DBN1: variants seen among roughly 807,000 people sequenced by gnomAD.
The protein encoded by DBN1 is drebrin.
Under a neutral mutation model 83.5 loss-of-function variants are expected in DBN1, and 21 were observed. The ratio of observed to expected loss-of-function variants is 0.25; its 90% CI spans 0.18 to 0.36. DBN1 has a LOEUF of 0.36. Among genes scored for constraint, DBN1 ranks in the 10% least tolerant of loss-of-function variants. DBN1 has a pLI of 1.00. For missense variants in DBN1, 874 were observed against 935.7 expected (o/e 0.93, Z 0.86); for synonymous variants, 381 against 384.9 (o/e 0.99, Z 0.12).
intron 1 of DBN1, among the ~76,000 whole-genome samples, chr5:177,471,312 T>C (rs1434881218): frequency 6.6e-6 from 1 of 152,112 alleles, no homozygotes; most frequent in African/African-American, 2.4e-5. Flanking sequence ...GGAACTTGTG[T>C]ATGATCACAG....
chr5:177,457,922 G>T, intron 13 of DBN1, 136 bp downstream of exon 13: 1 of 1,298,220 alleles, frequency 7.7e-7, no homozygotes. Flanking sequence ...AGGGAGGGAG[G>T]GTGGGATGGA....
At position 177,467,981 on chromosome 5, in the gene DBN1, GC is replaced by G. The variant is rs1561687360; in HGVS notation, c.255+126del. The G allele has an allele frequency of 6.6e-5, 76 of 1,144,752 alleles. No individual in the cohort carries two copies. The highest frequency in any genetic ancestry group is 8.2e-5 in the Non-Finnish European group (64 of 776,472). The allele number at this position is 1,144,752 out of a possible 1,614,324, so 70.9% of individuals were successfully genotyped here. A position where few individuals can be genotyped will look rare whatever the true frequency, so the allele number is the denominator to read the frequency against. On this transcript the variant is annotated intron_variant, in intron 3 of 14. Transcript: ENST00000393565. The surrounding 1 kb of genome is among the most constrained non-coding windows in gnomAD (Gnocchi z 9.1). ...TCTGGGCCTTCAGTTCCCTTCCCCA[GC>G]CCCGGCCGCATACCCAGTTGATGAG...
intron 8 of DBN1, among the ~76,000 whole-genome samples, chr5:177,464,791 T>C (rs1344181245): frequency 1.3e-5 from 2 of 150,966 alleles, no homozygotes; most frequent in Non-Finnish European, 3.0e-5. Flanking sequence ...AATACAAAAA[T>C]TAGCCAGGCG....
rs549894337 is a variant in DBN1, at chr5:177,468,533, C to G, written c.142+311G>C. 28 of 466,844 alleles carry G rather than the reference C, an allele frequency of 6.0e-5. 1 individual carries two copies. In the South Asian group the frequency reaches 1.4e-3, roughly 24 times the overall value. The allele number at this position is 466,844 out of a possible 1,614,324, so 28.9% of individuals were successfully genotyped here. A position where few individuals can be genotyped will look rare whatever the true frequency, so the allele number is the denominator to read the frequency against. On this transcript the variant is annotated intron_variant, in intron 2 of 14. Transcript: ENST00000393565. Reference sequence around the variant, plus strand: ...AGGTGCCAGTGCCCAGAGGCACAATCAAGCCTTCTGGCTCTGGGGAAGGCG... The same window carrying G: ...AGGTGCCAGTGCCCAGAGGCACAATGAAGCCTTCTGGCTCTGGGGAAGGCG...
intron 1 of DBN1, among the ~76,000 whole-genome samples, chr5:177,469,571 A>G (rs902921237): frequency 6.6e-6 from 1 of 152,218 alleles, no homozygotes; most frequent in African/African-American, 2.4e-5. Context: ...CAGGCCTTCC[A>G]GCCCCTAGGC....
chr5:177,472,466 CT>C, intron 1 of DBN1: 8 of 1,263,546 alleles, frequency 6.3e-6, no homozygotes, highest in Non-Finnish European at 8.0e-6. Context: ...CCTCGGTTTC[CT>C]TTTTCCACCA....
intron 1 of DBN1, chr5:177,472,501 A>C (rs1757923816): frequency 1.0e-6 from 1 of 997,428 alleles, no homozygotes. Context: ...GCCCCAGAGC[A>C]GGTGGTCCAT....
intron 1 of DBN1, chr5:177,472,082 G>T: frequency 6.3e-7 from 1 of 1,587,832 alleles, no homozygotes; most frequent in Non-Finnish European, 8.6e-7. Flanking sequence ...TGGGCCGCCT[G>T]CCTGCTGAGC....
intron 2 of DBN1, 156 bp downstream of exon 2, chr5:177,468,688 A>G: frequency 2.1e-6 from 1 of 469,234 alleles, no homozygotes; most frequent in Middle Eastern, 3.6e-4. Context: ...CCCTGGGGAC[A>G]CAGGGATGAC....
chr5:177,462,193 C>T, intron 8 of DBN1: 1 of 983,638 alleles, frequency 1.0e-6, no homozygotes, highest in Non-Finnish European at 1.2e-6. Context: ...CTCTCCAACA[C>T]CACCCCCTGC....
At position 177,461,855 on chromosome 5, in the gene DBN1, T is replaced by C. The variant is rs571812575; in HGVS notation, c.772-1152A>G. The stretch of plus-strand genomic sequence containing the variant: ...AGCCACAGCAAGCACTGGCTAAATA[T>C]GACCCACAGATGGCTTTTGTTTTGC... On this transcript the variant is annotated intron_variant, in intron 8 of 14. Coordinates refer to ENST00000393565, the MANE Select transcript of DBN1 (RefSeq NM_001363541.2). Among the ~76,000 whole-genome samples, 3 of 152,318 alleles carry C rather than the reference T, an allele frequency of 2.0e-5. No homozygotes were observed. In the East Asian group the frequency reaches 5.8e-4, roughly 29 times the overall value.
chr5:177,468,448 T>C (rs896841582), intron 2 of DBN1: 2 of 578,608 alleles, frequency 3.5e-6, no homozygotes, highest in Non-Finnish European at 3.1e-6. Context: ...GGGGTAGGAC[T>C]GAGGAAGTGT....
At position 177,468,102 on chromosome 5, in the gene DBN1, G is replaced by A. The variant is rs201964190; in HGVS notation, c.255+6C>T. Reference sequence around the variant, plus strand: ...TCAGCCCCCTTCCCCAGCCCCGGCCGCATACCCAGTTGATGAGCACGTATT... The same window carrying A: ...TCAGCCCCCTTCCCCAGCCCCGGCCACATACCCAGTTGATGAGCACGTATT... On this transcript the variant is annotated splice_donor_region_variant and intron_variant, in intron 3 of 14. Transcript: ENST00000393565. The A allele has an allele frequency of 5.0e-5, 79 of 1,589,924 alleles. 1 individual carries two copies. The highest frequency in any genetic ancestry group is 1.8e-4 in the Middle Eastern group (1 of 5,426).
In DBN1 at chr5:177,466,657, C is replaced by G; in HGVS notation, c.771+115G>C. ...CATGGCACCCTGTGCCCATGCAGCT[C>G]CCCAGAACAGCCACCACTGTCCCTG... is the stretch of plus-strand genomic sequence containing the variant. On this transcript the variant is annotated intron_variant, in intron 8 of 14. Coordinates refer to ENST00000393565, the MANE Select transcript of DBN1 (RefSeq NM_001363541.2). This position sits in a 1 kb window ranked among gnomAD's most constrained non-coding sequence, Gnocchi z 4.8. 1.6e-6 allele frequency: 2 copies of G among 1,226,388 alleles called. No homozygotes were observed. The highest frequency in any genetic ancestry group is 2.4e-6 in the Non-Finnish European group (2 of 829,266). 76.0% of individuals were successfully genotyped at this position (1,226,388 alleles called of 1,614,324 possible). A position where few individuals can be genotyped will look rare whatever the true frequency, so the allele number is the denominator to read the frequency against.
Position 177,459,745 on chromosome 5 carries a change from C to A in DBN1, c.956-5G>T. 2 of 1,492,628 alleles carry A rather than the reference C, an allele frequency of 1.3e-6. No homozygotes were observed. Among genetic ancestry groups the A allele is most frequent in the Non-Finnish European group, 1.8e-6 (2 of 1,118,154 alleles). 92.5% of individuals were successfully genotyped at this position (1,492,628 alleles called of 1,614,324 possible). Reference sequence around the variant, plus strand: ...TGAAAGGGCAGTACGGACGACCTGCCGAGAGAGACAGACAGAGAAAGAGAC... The same window carrying A: ...TGAAAGGGCAGTACGGACGACCTGCAGAGAGAGACAGACAGAGAAAGAGAC... On this transcript the variant is annotated splice_region_variant and splice_polypyrimidine_tract_variant and intron_variant, in intron 10 of 14. Coordinates refer to ENST00000393565, the MANE Select transcript of DBN1 (RefSeq NM_001363541.2).
chr5:177,465,326 C>G (rs776783413), intron 8 of DBN1, among the ~76,000 whole-genome samples: 1 of 152,142 alleles, frequency 6.6e-6, no homozygotes, highest in Admixed American at 6.5e-5. Flanking sequence ...ATAAGCCACA[C>G]GCAAAAGGAC....
Position 177,459,808 on chromosome 5 carries a change from C to T in DBN1, c.956-68G>A, listed in dbSNP as rs1021255989. On this transcript the variant is annotated intron_variant, in intron 10 of 14. Transcript: ENST00000393565. ...AGGGTCAGTCTCCCCCACCCCTGCC[C>T]GAGGCCTCTCCCGCCCCCAGGGCCT... is the stretch of plus-strand genomic sequence containing the variant. 1.6e-5 allele frequency: 22 copies of T among 1,390,014 alleles called. No individual in the cohort carries two copies. The African/African-American group carries it at 3.0e-4, about 19-fold the overall frequency. The allele number at this position is 1,390,014 out of a possible 1,614,324, so 86.1% of individuals were successfully genotyped here. A position where few individuals can be genotyped will look rare whatever the true frequency, so the allele number is the denominator to read the frequency against.
At position 177,468,152 on chromosome 5, in the gene DBN1, T is replaced by A. The variant is rs780068606; in HGVS notation, c.211A>T (p.Lys71Ter). The change falls in exon 3 of 15, where the codon AAG (lysine) becomes TAG (stop). Residue 71 changes from lysine (K) to a stop codon, truncating the protein, a stop_gained. Coordinates refer to ENST00000393565, the MANE Select transcript of DBN1 (RefSeq NM_001363541.2). LOFTEE classifies it high-confidence loss of function. ...QKVMYGFCSV[K>*]DSQAALPKYV... The stretch of plus-strand genomic sequence containing the variant: ...TTTGGCAGAGCAGCTTGGGAGTCCT[T>A]GACACTGCAGAAGCCGTACATCACC... 6.2e-7 allele frequency: 1 copy of A among 1,613,972 alleles called. No homozygotes were observed. The highest frequency in any genetic ancestry group is 1.3e-5 in the African/African-American group (1 of 74,892).
chr5:177,457,378 G>C lies in DBN1; in HGVS notation c.*55C>G. On this transcript the variant is annotated 3_prime_UTR_variant, in exon 15 of 15. Transcript: ENST00000393565. ...GCAGGCACGGCGGGCCGTCTGGCCA[G>C]AGGCTGATGCAGGTGGGCGGCCTTG... 2.0e-6 allele frequency: 3 copies of C among 1,492,546 alleles called. No homozygotes were observed. The highest frequency in any genetic ancestry group is 2.3e-5 in the East Asian group (1 of 44,286). The allele number at this position is 1,492,546 out of a possible 1,614,324, so 92.5% of individuals were successfully genotyped here.
Sources: gnomAD v4.1 joint callset for allele counts (sites outside exome capture counted in the v4.1 genomes callset) on GRCh38, gnomAD v4.1.1 for gene constraint, Gnocchi (gnomAD v3.1) non-coding constraint, MANE v1.5 for transcripts, NCBI Gene and HGNC (gene_info 2026-07-23, HGNC 2026-07-21) for gene names.